Variants in ARB2A observed in about 807,000 individuals in gnomAD.
ARB2A encodes ARB2 cotranscriptional regulator A.
the ARB2A span, among the ~76,000 whole-genome samples, chr5:93,825,290 T>C: frequency 1.0e-5 from 1 of 100,354 alleles, no homozygotes; most frequent in African/African-American, 3.6e-5. Context: ...ACTTATCTCA[T>C]CAATTAGGGC....
the ARB2A span, chr5:93,736,719 C>T: frequency 9.2e-5 from 14 of 152,234 alleles, no homozygotes; most frequent in Admixed American, 2.0e-4. Context: ...TTCCCTTAAG[C>T]ATTTTTCATT....
the ARB2A span, among the ~76,000 whole-genome samples, chr5:93,699,997 A>G: frequency 1.3e-5 from 2 of 152,052 alleles, no homozygotes; most frequent in Non-Finnish European, 2.9e-5. Flanking sequence ...TGGTGAGGAA[A>G]TAACATTTTT....
the ARB2A span, chr5:93,683,560 T>G: frequency 1.4e-6 from 2 of 1,454,194 alleles, no homozygotes; most frequent in South Asian, 2.3e-5. Context: ...GTTCATCCTT[T>G]GCACCAGCCC....
chr5:93,848,387 TAAAAAAA>T, the ARB2A span, among the ~76,000 whole-genome samples: 1 of 131,620 alleles, frequency 7.6e-6, no homozygotes, highest in Non-Finnish European at 1.7e-5. Flanking sequence ...GTCTAAAGAT[TAAAAAAA>T]AAAAAAAAGA....
the ARB2A span, among the ~76,000 whole-genome samples, chr5:93,818,601 C>T: frequency 1.6e-4 from 25 of 152,156 alleles, no homozygotes; most frequent in African/African-American, 5.8e-4. Flanking sequence ...TGCCATATAA[C>T]ATTGTAAGGA....
the ARB2A span, among the ~76,000 whole-genome samples, chr5:93,957,499 T>C: frequency 6.6e-6 from 1 of 152,136 alleles, no homozygotes; most frequent in Non-Finnish European, 1.5e-5. Flanking sequence ...AGTTTAAACA[T>C]AATATTTTAT....
chr5:93,685,071 C>T, the ARB2A span, among the ~76,000 whole-genome samples: 6 of 152,158 alleles, frequency 3.9e-5, no homozygotes, highest in Non-Finnish European at 8.8e-5. Context: ...AAATAAGTCT[C>T]AGGTCATATG....
At chr5:93,743,815 T>C in the ARB2A span, among the ~76,000 whole-genome samples, 16 of 152,110 alleles carry the variant, frequency 1.1e-4, no homozygotes, top group Middle Eastern at 3.4e-3. Flanking sequence ...TACAGGCGCC[T>C]GCCACCACGC....
chr5:93,901,905 T>A, the ARB2A span, among the ~76,000 whole-genome samples: 2 of 152,056 alleles, frequency 1.3e-5, no homozygotes, highest in African/African-American at 2.4e-5. Flanking sequence ...TTCCTGGAAG[T>A]TAAATGATAC....
chr5:93,701,575 CCT>C, the ARB2A span, among the ~76,000 whole-genome samples: 3 of 151,688 alleles, frequency 2.0e-5, no homozygotes, highest in Admixed American at 2.0e-4. Flanking sequence ...ACCAATAATC[CCT>C]GTTTTTTTTT....
At chr5:93,834,664 G>A in the ARB2A span, among the ~76,000 whole-genome samples, 1 of 151,998 alleles carries the variant, frequency 6.6e-6, no homozygotes, top group Non-Finnish European at 1.5e-5. Flanking sequence ...AAATATATAT[G>A]TATATGTATT....
chr5:94,097,845 C>A, the ARB2A span, among the ~76,000 whole-genome samples: 2,029 of 151,144 alleles, frequency 0.013, 51 homozygotes, highest in African/African-American at 0.046. Context: ...CCCTCCCCCC[C>A]ACCACCCCAC....
chr5:93,768,465 A>C, the ARB2A span, among the ~76,000 whole-genome samples: 1 of 147,758 alleles, frequency 6.8e-6, no homozygotes, highest in African/African-American at 2.5e-5. Flanking sequence ...AATATCCACT[A>C]TATATATATA....
chr5:93,938,499 T>G, the ARB2A span, among the ~76,000 whole-genome samples: 1 of 152,200 alleles, frequency 6.6e-6, no homozygotes, highest in African/African-American at 2.4e-5. Context: ...GTTTAGTGCT[T>G]CCTACACAAC....
chr5:94,054,420 G>A, the ARB2A span, among the ~76,000 whole-genome samples: 1 of 152,046 alleles, frequency 6.6e-6, no homozygotes, highest in Non-Finnish European at 1.5e-5. Flanking sequence ...TTTATAGAAT[G>A]ACCCTCAATT....
At chr5:94,083,476 G>T in the ARB2A span, among the ~76,000 whole-genome samples, 3 of 151,836 alleles carry the variant, frequency 2.0e-5, no homozygotes, top group Non-Finnish European at 4.4e-5. Flanking sequence ...ACCTATTTTT[G>T]GAAAAAAAGT....
chr5:93,778,136 A>T, the ARB2A span, among the ~76,000 whole-genome samples: 1 of 152,214 alleles, frequency 6.6e-6, no homozygotes, highest in Non-Finnish European at 1.5e-5. Flanking sequence ...CAAAAGCTTG[A>T]TGGTTTAAAA....
the ARB2A span, among the ~76,000 whole-genome samples, chr5:93,832,996 T>C: frequency 6.6e-6 from 1 of 152,212 alleles, no homozygotes; most frequent in Non-Finnish European, 1.5e-5. Context: ...TATAACTATT[T>C]ACATGTATTA....
the ARB2A span, chr5:93,619,137 C>A: frequency 6.6e-6 from 1 of 152,106 alleles, no homozygotes; most frequent in African/African-American, 2.4e-5. Flanking sequence ...GCTGAAGATA[C>A]CATTATTTTA....
Sources: gnomAD v4.1 joint callset for allele counts (sites outside exome capture counted in the v4.1 genomes callset) on GRCh38, gnomAD v4.1.1 for gene constraint, MANE v1.5 for transcripts, NCBI Gene and HGNC (gene_info 2026-07-23, HGNC 2026-07-21) for gene names.